Variants in KAZN observed in about 807,000 individuals in gnomAD.
The protein encoded by KAZN is kazrin.
A neutral mutation model predicts 87.4 loss-of-function variants in KAZN; 40 were observed. The ratio of observed to expected loss-of-function variants is 0.46; its 90% CI spans 0.36 to 0.60. The LOEUF is 0.60. Ranked by LOEUF, KAZN falls within the 20% of genes least tolerant of loss-of-function variation. The pLI, the probability that KAZN is intolerant of heterozygous loss-of-function variation, is 0.00. For synonymous variants in KAZN, 466 were observed against 458.3 expected, an observed-to-expected ratio of 1.02 and a Z score of -0.22; for missense variants, 898 against 1,073.9, an observed-to-expected ratio of 0.84 and a Z score of 2.29.
chr1:14,082,604 G>A (rs1643721716), intron 1 of KAZN, among the ~76,000 whole-genome samples: 1 of 152,184 alleles, frequency 6.6e-6, no homozygotes. Flanking sequence ...ACCGAGTGCT[G>A]CAGCATCTGA....
chr1:14,968,155 C>CT (rs766368474), intron 2 of KAZN, among the ~76,000 whole-genome samples: 7 of 152,164 alleles, frequency 4.6e-5, no homozygotes, highest in Non-Finnish European at 1.0e-4. Flanking sequence ...TTTCCTGCAA[C>CT]TAGATGGTCC....
chr1:14,802,734 C>G (rs1263298814), intron 1 of KAZN, among the ~76,000 whole-genome samples: 1 of 152,170 alleles, frequency 6.6e-6, no homozygotes, highest in Non-Finnish European at 1.5e-5. Flanking sequence ...AGACACGGAC[C>G]CTGTTGGGCC....
chr1:13,985,830 T>C (rs919052743), intron 1 of KAZN, among the ~76,000 whole-genome samples: 20 of 152,222 alleles, frequency 1.3e-4, no homozygotes, highest in Admixed American at 1.2e-3. Flanking sequence ...CTTTCAAGGT[T>C]TACCTGTATT....
At chr1:14,319,339 ACT>A (rs976266275) in intron 2 of KAZN, among the ~76,000 whole-genome samples, 1 of 151,824 alleles carries the variant, frequency 6.6e-6, no homozygotes, top group Non-Finnish European at 1.5e-5. Flanking sequence ...ACCAGGGATA[ACT>A]CTGGCTGAAT....
chr1:14,697,033 G>A (rs914640571), intron 1 of KAZN, among the ~76,000 whole-genome samples: 3 of 151,642 alleles, frequency 2.0e-5, no homozygotes, highest in South Asian at 2.1e-4. Context: ...GCACACGGCT[G>A]TAACCCCAGC....
intron 1 of KAZN, among the ~76,000 whole-genome samples, chr1:13,955,261 G>A (rs148165659): frequency 6.6e-6 from 1 of 152,136 alleles, no homozygotes; most frequent in African/African-American, 2.4e-5. Context: ...TTATTAATAT[G>A]GTCCGTCTGC....
intron 2 of KAZN, among the ~76,000 whole-genome samples, chr1:14,515,153 C>T (rs755979648): frequency 1.3e-5 from 2 of 152,114 alleles, no homozygotes; most frequent in Non-Finnish European, 2.9e-5. Context: ...TCTCTCTTAC[C>T]AATGAAATCA....
intron 1 of KAZN, among the ~76,000 whole-genome samples, chr1:13,894,538 C>A (rs777326731): frequency 6.6e-6 from 1 of 152,072 alleles, no homozygotes; most frequent in African/African-American, 2.4e-5. Context: ...ACTTTTTTGG[C>A]GTTAATTCTC....
At chr1:15,035,101 CAG>C (rs1672127103) in intron 3 of KAZN, among the ~76,000 whole-genome samples, 2 of 151,994 alleles carry the variant, frequency 1.3e-5, no homozygotes, top group South Asian at 4.2e-4. Flanking sequence ...AGCGTGGACT[CAG>C]GAGTCCGGGG....
intron 2 of KAZN, among the ~76,000 whole-genome samples, chr1:14,200,641 A>G (rs186804409): frequency 2.0e-5 from 3 of 152,286 alleles, no homozygotes; most frequent in East Asian, 1.9e-4. Flanking sequence ...GTAATATGGC[A>G]TGTGCTTTGT....
chr1:15,050,173 TA>T (rs1674215802), intron 4 of KAZN, among the ~76,000 whole-genome samples: 2 of 130,166 alleles, frequency 1.5e-5, no homozygotes. Context: ...TAGAATAGAA[TA>T]GAATAGAATA....
chr1:14,160,937 T>C (rs1268156252), intron 1 of KAZN, among the ~76,000 whole-genome samples: 3 of 152,216 alleles, frequency 2.0e-5, no homozygotes, highest in East Asian at 1.9e-4. Context: ...AGAGGACTTA[T>C]CTTTGTGGTT....
chr1:13,983,379 G>A (rs770469337), intron 1 of KAZN, among the ~76,000 whole-genome samples: 10 of 152,232 alleles, frequency 6.6e-5, no homozygotes, highest in Non-Finnish European at 1.5e-4. Context: ...GGGGGACCCA[G>A]TACACTCTCC....
At position 15,081,802 on chromosome 1, in the gene KAZN, A is replaced by C. The variant is rs990424723; in HGVS notation, c.1223-12378A>C. ...GCAGGAAGCCCAGGGTGCCAAGGGCAGGGGTGAGAAGCTAAGGATGAAGCT... is the reference window on the plus strand; with the variant it reads ...GCAGGAAGCCCAGGGTGCCAAGGGCCGGGGTGAGAAGCTAAGGATGAAGCT... On this transcript the variant is annotated intron_variant, in intron 8 of 14. Coordinates refer to ENST00000376030, the MANE Select transcript of KAZN (RefSeq NM_201628.3). This position sits in a 1 kb window ranked among gnomAD's most constrained non-coding sequence, Gnocchi z 4.1. Among the ~76,000 whole-genome samples the C allele has an allele frequency of 2.0e-5, 3 of 152,126 alleles. No individual in the cohort carries two copies. The highest frequency in any genetic ancestry group is 7.2e-5 in the African/African-American group (3 of 41,424).
intron 1 of KAZN, among the ~76,000 whole-genome samples, chr1:14,635,860 G>A (rs896338665): frequency 5.3e-5 from 8 of 152,152 alleles, no homozygotes; most frequent in Non-Finnish European, 1.2e-4. Flanking sequence ...GCATGCCAGT[G>A]GTGCCAAGGT....
chr1:14,806,912 T>C (rs1646241443), intron 1 of KAZN, among the ~76,000 whole-genome samples: 2 of 152,234 alleles, frequency 1.3e-5, no homozygotes, highest in African/African-American at 4.8e-5. Context: ...TGTTCTCACA[T>C]GCCCACCTAT....
At chr1:14,505,834 C>T (rs1319136179) in intron 2 of KAZN, among the ~76,000 whole-genome samples, 2 of 145,860 alleles carry the variant, frequency 1.4e-5, no homozygotes, top group African/African-American at 2.8e-5. Flanking sequence ...ATTAGCCAGG[C>T]GTGGCGGCAT....
chr1:14,418,394 G>C (rs1360586125), intron 2 of KAZN, among the ~76,000 whole-genome samples: 1 of 152,150 alleles, frequency 6.6e-6, no homozygotes, highest in Non-Finnish European at 1.5e-5. Context: ...ACTGTGCCTG[G>C]CACATAGGAA....
At chr1:14,563,935 T>A (rs1379423209) in intron 2 of KAZN, among the ~76,000 whole-genome samples, 2 of 133,776 alleles carry the variant, frequency 1.5e-5, no homozygotes, top group African/African-American at 5.3e-5. Flanking sequence ...AGTTGCACAA[T>A]CTTGGCTCAC....
Sources: gnomAD v4.1 joint callset for allele counts (sites outside exome capture counted in the v4.1 genomes callset) on GRCh38, gnomAD v4.1.1 for gene constraint, Gnocchi (gnomAD v3.1) non-coding constraint, MANE v1.5 for transcripts, NCBI Gene and HGNC (gene_info 2026-07-23, HGNC 2026-07-21) for gene names.